The following INPP5F variants were observed in gnomAD, a reference collection of about 807,000 sequenced individuals.
INPP5F encodes phosphatidylinositide 4-phosphatase SAC2.
A neutral mutation model predicts 137.2 loss-of-function variants in INPP5F; 97 were observed. That is an observed-to-expected ratio of 0.71 (90% confidence interval 0.60 to 0.84). The LOEUF (loss-of-function observed/expected upper bound fraction) is 0.84, where lower values mean the gene tolerates loss of function less well. Ranked by LOEUF, INPP5F falls within the 40% of genes least tolerant of loss-of-function variation. The pLI is 0.00. For synonymous variants in INPP5F, 504 were observed against 476.9 expected (o/e 1.06, Z -0.74); for missense variants, 1,271 against 1,371.9 (o/e 0.93, Z 1.16).
intron 2 of INPP5F, among the ~76,000 whole-genome samples, chr10:119,766,688 C>T (rs930568736): frequency 1.3e-5 from 2 of 152,108 alleles, no homozygotes; most frequent in African/African-American, 4.8e-5. Context: ...AGCCAGAAGA[C>T]AATGGAATGA....
At chr10:119,737,601 T>C (rs970541099) in intron 1 of INPP5F, among the ~76,000 whole-genome samples, 10 of 152,352 alleles carry the variant, frequency 6.6e-5, no homozygotes, top group African/African-American at 2.4e-4. Context: ...AACTTCTAAA[T>C]TGGATTAGCT....
intron 1 of INPP5F, 62 bp from the exon 2 acceptor site, chr10:119,751,014 A>T: frequency 9.5e-7 from 1 of 1,054,930 alleles, no homozygotes; most frequent in Non-Finnish European, 1.5e-6. Context: ...ACTGCTAAAG[A>T]TACTGTTTTA....
intron 2 of INPP5F, among the ~76,000 whole-genome samples, chr10:119,765,035 C>G (rs891516844): frequency 2.0e-5 from 3 of 152,126 alleles, no homozygotes; most frequent in Admixed American, 6.6e-5. Flanking sequence ...TGGATTCAAG[C>G]GATTCTCCTG....
chr10:119,752,913 C>T (rs943028851), intron 2 of INPP5F, among the ~76,000 whole-genome samples: 5 of 149,336 alleles, frequency 3.3e-5, no homozygotes. Context: ...GTCCTTTTTC[C>T]TCTCACTGGG....
chr10:119,745,149 C>T (rs1401562296), intron 1 of INPP5F, among the ~76,000 whole-genome samples: 1 of 151,946 alleles, frequency 6.6e-6, no homozygotes, highest in Non-Finnish European at 1.5e-5. Context: ...TGCCATGCTC[C>T]CTCTTGTTCT....
At chr10:119,771,745 T>C (rs1326075896) in intron 2 of INPP5F, among the ~76,000 whole-genome samples, 1 of 150,446 alleles carries the variant, frequency 6.6e-6, no homozygotes, top group East Asian at 1.9e-4. Context: ...GAGATTTCTT[T>C]TTGACAGTCT....
chr10:119,827,550 C>T lies in INPP5F; in HGVS notation c.3169C>T (p.Pro1057Ser). The T allele has an allele frequency of 1.9e-6, 3 of 1,614,192 alleles. No homozygotes were observed. Among genetic ancestry groups the T allele is most frequent in the Non-Finnish European group, 2.5e-6 (3 of 1,180,020 alleles). Residue 1057 changes from proline (P) to serine (S), a missense_variant, in exon 20 of 20, where the codon CCT becomes TCT. Coordinates refer to ENST00000650623, the MANE Select transcript of INPP5F (RefSeq NM_014937.4). ...LELETGLHVT[P>S]SPSESSSSRA... ...ACTTGAGACAGGGCTTCATGTAACT[C>T]CTTCTCCTTCAGAGAGCAGTAGCAG...
chr10:119,747,067 G>A (rs1223912950), intron 1 of INPP5F, among the ~76,000 whole-genome samples: 3 of 152,076 alleles, frequency 2.0e-5, no homozygotes, highest in African/African-American at 4.8e-5. Flanking sequence ...GGGATTATAG[G>A]CATGAGCCAC....
intron 1 of INPP5F, among the ~76,000 whole-genome samples, chr10:119,726,862 A>G (rs1264948512): frequency 6.6e-6 from 1 of 152,114 alleles, no homozygotes; most frequent in Non-Finnish European, 1.5e-5. Flanking sequence ...TAAAGGTGTG[A>G]CTTTACTGTG....
intron 15 of INPP5F, among the ~76,000 whole-genome samples, chr10:119,814,162 C>T (rs754805516): frequency 9.9e-5 from 15 of 151,976 alleles, no homozygotes; most frequent in Admixed American, 2.6e-4. Context: ...AAGGCTGAGG[C>T]GGGCAGATCA....
rs1034296174 is a variant in INPP5F at position 119,823,797 on chromosome 10, G to A, written c.2162-18G>A. On this transcript the variant is annotated intron_variant, in intron 18 of 19. Coordinates refer to ENST00000650623, the MANE Select transcript of INPP5F (RefSeq NM_014937.4). ...ATGTTTATGGAGAAATTGGCAGGCA[G>A]TTATATTTGGGTTGCAGATACCCTT... is the stretch of plus-strand genomic sequence containing the variant. 1.9e-6 allele frequency: 3 copies of A among 1,601,192 alleles called. No individual in the cohort carries two copies. Among genetic ancestry groups the A allele is most frequent in the East Asian group, 4.5e-5 (2 of 44,800 alleles).
chr10:119,762,592 C>A (rs1181459089), intron 2 of INPP5F, among the ~76,000 whole-genome samples: 3 of 152,096 alleles, frequency 2.0e-5, no homozygotes, highest in South Asian at 2.1e-4. Flanking sequence ...ATAATATTAA[C>A]AACTATAAAC....
chr10:119,801,862 G>C (rs570931324), intron 9 of INPP5F, among the ~76,000 whole-genome samples: 189 of 152,210 alleles, frequency 1.2e-3, no homozygotes, highest in African/African-American at 4.4e-3. Flanking sequence ...GGAAATAACC[G>C]CCTCCCACAC....
intron 1 of INPP5F, among the ~76,000 whole-genome samples, chr10:119,735,114 A>T (rs1848183352): frequency 6.6e-6 from 1 of 152,358 alleles, no homozygotes; most frequent in South Asian, 2.1e-4. Context: ...GTAGTACCTT[A>T]ATTAAATCAC....
intron 1 of INPP5F, among the ~76,000 whole-genome samples, chr10:119,740,629 G>A (rs1244192077): frequency 1.3e-5 from 2 of 151,998 alleles, no homozygotes; most frequent in South Asian, 2.1e-4. Flanking sequence ...TGCAACCTCC[G>A]CCTTCTGGTT....
intron 1 of INPP5F, among the ~76,000 whole-genome samples, chr10:119,749,678 T>C (rs770365748): frequency 2.6e-5 from 4 of 152,230 alleles, no homozygotes; most frequent in Non-Finnish European, 5.9e-5. Context: ...CAGCATTTGT[T>C]TCCTCATCTG....
intron 14 of INPP5F, 56 bp downstream of exon 14, chr10:119,810,273 T>C: frequency 1.1e-6 from 1 of 913,280 alleles, no homozygotes; most frequent in Non-Finnish European, 1.8e-6. Flanking sequence ...GTGACTAATA[T>C]TTTACAGAAA....
intron 15 of INPP5F, among the ~76,000 whole-genome samples, chr10:119,817,286 A>G (rs1372690697): frequency 1.3e-5 from 2 of 152,326 alleles, no homozygotes; most frequent in African/African-American, 2.4e-5. Context: ...TAGTGCTGCT[A>G]TGAACATTTG....
chr10:119,804,100 A>G, intron 9 of INPP5F, 73 bp from the exon 10 acceptor site: 1 of 1,074,628 alleles, frequency 9.3e-7, no homozygotes. Context: ...TGATTCTAAC[A>G]TCTAATTAAA....
Sources: allele counts gnomAD v4.1 joint callset (sites outside exome capture counted in the v4.1 genomes callset), GRCh38; gene constraint gnomAD v4.1.1; transcripts MANE v1.5; gene names NCBI Gene and HGNC (gene_info 2026-07-23, HGNC 2026-07-21).